The following TTC34 variants were observed in gnomAD, a reference collection of about 807,000 sequenced individuals.
TTC34 encodes the protein tetratricopeptide repeat protein 34.
TTC34 carries 44 observed loss-of-function variants against 40.7 expected under a neutral mutation model. That is an observed-to-expected ratio of 1.08 (90% CI 0.85 to 1.39). The LOEUF is 1.39. Ranked by LOEUF, TTC34 falls within the 40% of genes most tolerant of loss-of-function variation. TTC34 has a pLI of 0.00. For missense variants in TTC34, 884 were observed against 838.0 expected (o/e 1.05, Z -0.68); for synonymous variants, 422 against 398.6 (o/e 1.06, Z -0.70).
intron 6 of TTC34, among the ~76,000 whole-genome samples, chr1:2,650,376 A>C (rs1029993538): frequency 7.1e-6 from 1 of 140,694 alleles, no homozygotes; most frequent in Admixed American, 7.0e-5. Context: ...ATGGCACTCT[A>C]CATCCCCAGG....
intron 6 of TTC34, among the ~76,000 whole-genome samples, chr1:2,655,493 C>A (rs1353610987): frequency 9.5e-4 from 130 of 137,562 alleles, no homozygotes; most frequent in African/African-American, 3.5e-3. Flanking sequence ...AGCACCCACA[C>A]CCCCAGGTGA....
chr1:2,771,352 G>T (rs1186848458), intron 6 of TTC34, among the ~76,000 whole-genome samples: 4 of 65,926 alleles, frequency 6.1e-5, no homozygotes, highest in Admixed American at 1.4e-4. Flanking sequence ...GCCTGGAACA[G>T]AATTCTCCAA....
intron 6 of TTC34, among the ~76,000 whole-genome samples, chr1:2,699,309 C>T (rs1323510908): frequency 7.0e-6 from 1 of 143,298 alleles, no homozygotes; most frequent in Non-Finnish European, 1.6e-5. Flanking sequence ...GAGCATCTGA[C>T]CGCATGGAGC....
At chr1:2,749,664 GC>G (rs1641254050) in intron 6 of TTC34, among the ~76,000 whole-genome samples, 1 of 107,002 alleles carries the variant, frequency 9.3e-6, no homozygotes, top group African/African-American at 4.8e-5. Flanking sequence ...GCATCCGACA[GC>G]CTGGAGCAGC....
At chr1:2,684,425 A>G (rs1289234334) in intron 6 of TTC34, among the ~76,000 whole-genome samples, 9 of 137,102 alleles carry the variant, frequency 6.6e-5, no homozygotes, top group Non-Finnish European at 9.6e-5. Context: ...AGACTGGAAC[A>G]CCACCCTGCA....
chr1:2,686,835 AC>A (rs1357628671), intron 6 of TTC34, among the ~76,000 whole-genome samples: 2,296 of 15,268 alleles, frequency 0.15, 2 homozygotes, highest in East Asian at 0.19. Flanking sequence ...CTGGAGCAGC[AC>A]CCCACACCCC....
At chr1:2,754,847 C>G (rs1641452444) in intron 6 of TTC34, among the ~76,000 whole-genome samples, 4 of 136,710 alleles carry the variant, frequency 2.9e-5, no homozygotes, top group East Asian at 2.1e-4. Flanking sequence ...CAGACTGGAA[C>G]AGCACCCACA....
intron 6 of TTC34, among the ~76,000 whole-genome samples, chr1:2,686,240 C>T (rs201465709): frequency 6.8e-6 from 1 of 146,916 alleles, no homozygotes; most frequent in East Asian, 2.0e-4. Context: ...AGTGCCCACA[C>T]CCCCAGGTGA....
chr1:2,683,282 C>T (rs370454056), intron 6 of TTC34, among the ~76,000 whole-genome samples: 1 of 84,050 alleles, frequency 1.2e-5, no homozygotes, highest in Admixed American at 1.1e-4. Flanking sequence ...CACAGGTGAG[C>T]ATCTGACAGC....
Position 2,693,689 on chromosome 1 carries a change from G to C in TTC34, c.2227-48126C>G, listed in dbSNP as rs1321939229. On this transcript the variant is annotated intron_variant, in intron 6 of 8. Coordinates refer to ENST00000401095, the Ensembl canonical transcript of TTC34. ...CACCCCCAGGTGAGCATCTGACAGC[G>C]TGGAGGAGCACCCACACCCCCAGGC... Among the ~76,000 whole-genome samples, 14 of 35,984 alleles carry C rather than the reference G, an allele frequency of 3.9e-4. 1 individual carries two copies. The highest frequency in any genetic ancestry group is 6.6e-4 in the African/African-American group (7 of 10,580). 23.6% of individuals were successfully genotyped at this position (35,984 alleles called of 152,430 possible).
At chr1:2,750,234 G>T (rs1641270310) in intron 6 of TTC34, among the ~76,000 whole-genome samples, 2 of 152,104 alleles carry the variant, frequency 1.3e-5, no homozygotes, top group African/African-American at 4.8e-5. Context: ...GTCTGGAGCA[G>T]CACCCACACC....
chr1:2,790,200 C>CAGAG lies in TTC34; in HGVS notation c.927_930dup (p.Val311LeufsTer32), dbSNP rs1643647911. On this transcript the variant is annotated frameshift_variant, in exon 3 of 9. Transcript: ENST00000401095. LOFTEE classifies it high-confidence loss of function. ...GCCCGGACGCGCTCCTGGTCCTGGA[C>CAGAG]AGAGAACACGGCCTGGAACTGCCTC... is the stretch of plus-strand genomic sequence containing the variant. 1 of 398,310 alleles carries CAGAG rather than the reference C, an allele frequency of 2.5e-6. No individual in the cohort carries two copies. The highest frequency in any genetic ancestry group is 4.4e-6 in the Non-Finnish European group (1 of 225,936). 24.7% of individuals were successfully genotyped at this position (398,310 alleles called of 1,614,324 possible).
intron 6 of TTC34, among the ~76,000 whole-genome samples, chr1:2,762,052 C>T (rs1341752972): frequency 8.8e-5 from 5 of 56,852 alleles, no homozygotes; most frequent in Admixed American, 4.9e-4. Context: ...CGCCCACACC[C>T]CCGGGCGAGC....
chr1:2,688,131 C>A (rs555648364), intron 6 of TTC34, among the ~76,000 whole-genome samples: 55 of 146,734 alleles, frequency 3.7e-4, no homozygotes, highest in African/African-American at 1.4e-3. Context: ...CCCACACCCC[C>A]AGGCGAGCAT....
At chr1:2,687,551 G>C (rs1250184509) in intron 6 of TTC34, among the ~76,000 whole-genome samples, 1 of 146,266 alleles carries the variant, frequency 6.8e-6, no homozygotes, top group Non-Finnish European at 1.5e-5. Context: ...TGACAGCATG[G>C]AGCAGCACGC....
intron 6 of TTC34, among the ~76,000 whole-genome samples, chr1:2,699,967 T>C (rs1393499277): frequency 2.7e-4 from 11 of 40,478 alleles, no homozygotes; most frequent in Non-Finnish European, 3.9e-4. Flanking sequence ...GGAGAAATGC[T>C]CACACCCCAA....
At chr1:2,777,247 C>T (rs866628838) in intron 6 of TTC34, among the ~76,000 whole-genome samples, 16 of 131,860 alleles carry the variant, frequency 1.2e-4, no homozygotes, top group African/African-American at 4.1e-4. Context: ...GAACAGCACC[C>T]CACACCCCCA....
intron 6 of TTC34, among the ~76,000 whole-genome samples, chr1:2,686,228 G>T (rs1440981091): frequency 7.4e-6 from 1 of 134,448 alleles, no homozygotes; most frequent in African/African-American, 3.0e-5. Context: ...ACAGCCTGGA[G>T]CAGTGCCCAC....
intron 6 of TTC34, among the ~76,000 whole-genome samples, chr1:2,692,504 C>A (rs1267457130): frequency 1.0e-4 from 9 of 89,396 alleles, no homozygotes; most frequent in East Asian, 3.3e-4. Flanking sequence ...GCAGCCTGCA[C>A]CCCCAGGTGT....
Sources: gnomAD v4.1 joint callset for allele counts (sites outside exome capture counted in the v4.1 genomes callset) on GRCh38, gnomAD v4.1.1 for gene constraint, MANE v1.5 for transcripts, NCBI Gene and HGNC (gene_info 2026-07-23, HGNC 2026-07-21) for gene names.